Variants in TMOD2 observed in about 807,000 individuals in gnomAD.
The protein encoded by TMOD2 is tropomodulin 2.
Under a neutral mutation model 39.9 loss-of-function variants are expected in TMOD2, and 22 were observed. That is an observed-to-expected ratio of 0.55 (90% CI 0.39 to 0.79). TMOD2 has a LOEUF of 0.79. TMOD2 is among the 30% of genes least tolerant of loss of function. The probability of loss-of-function intolerance (pLI) is 0.00; values close to 1 mark genes in which losing one functional copy is unlikely to be tolerated. For synonymous variants in TMOD2, 123 were observed against 146.1 expected (o/e 0.84, Z 1.14); for missense variants, 386 against 413.3 (o/e 0.93, Z 0.57).
chr15:51,762,861 T>A (rs1382642324), intron 1 of TMOD2, among the ~76,000 whole-genome samples: 1 of 152,260 alleles, frequency 6.6e-6, no homozygotes, highest in African/African-American at 2.4e-5. Flanking sequence ...ATCCATGTTT[T>A]TGTGTACATC....
chr15:51,766,400 A>G lies in TMOD2; in HGVS notation c.-42A>G. 1 of 1,588,462 alleles carries G rather than the reference A, an allele frequency of 6.3e-7. No individual in the cohort carries two copies. Among genetic ancestry groups the G allele is most frequent in the South Asian group, 1.1e-5 (1 of 87,556 alleles). ...TTCTGAAGTCTCAGGAAACTGGACC[A>G]TTTAAATGTGCATGGCCCATGAGAA... On this transcript the variant is annotated 5_prime_UTR_variant, in exon 2 of 10. Coordinates refer to ENST00000249700, the MANE Select transcript of TMOD2 (RefSeq NM_014548.4).
Position 51,786,459 on chromosome 15 carries a change from C to T in TMOD2, c.732+3631C>T, listed in dbSNP as rs563987609. 6.6e-5 allele frequency among the ~76,000 whole-genome samples: 10 copies of T among 152,218 alleles called. No homozygotes were observed. The South Asian group carries it at 2.1e-3, about 32-fold the overall frequency. On this transcript the variant is annotated intron_variant, in intron 7 of 9. Coordinates refer to ENST00000249700, the MANE Select transcript of TMOD2 (RefSeq NM_014548.4). ...TGATATATTTTTAGAATCAGTGAAG[C>T]CCTGTGCAATTGGCATCCGTTTAGA...
intron 9 of TMOD2, among the ~76,000 whole-genome samples, chr15:51,807,814 G>A (rs577549402): frequency 6.6e-6 from 1 of 152,272 alleles, no homozygotes; most frequent in East Asian, 1.9e-4. Flanking sequence ...CTGCAGTTGG[G>A]AGAGTGAAAG....
At position 51,773,717 on chromosome 15, in the gene TMOD2, GTCTT is replaced by G; in HGVS notation, c.291_294del (p.Phe98SerfsTer7). On this transcript the variant is annotated frameshift_variant, in exon 4 of 10. Transcript: ENST00000249700. LOFTEE classifies it high-confidence loss of function. Reference sequence around the variant, plus strand: ...GTTTTTCTTCTGATTTAAAGGGAGAGTCTTTATCCCTAAAGAAAAGCCTATAGAA... The same window carrying G: ...GTTTTTCTTCTGATTTAAAGGGAGAGTATCCCTAAAGAAAAGCCTATAGAA... 6.2e-7 allele frequency: 1 copy of G among 1,606,062 alleles called. No individual in the cohort carries two copies. The highest frequency in any genetic ancestry group is 8.5e-7 in the Non-Finnish European group (1 of 1,177,726).
At chr15:51,802,795 C>T (rs973930986) in intron 8 of TMOD2, among the ~76,000 whole-genome samples, 4 of 152,252 alleles carry the variant, frequency 2.6e-5, no homozygotes, top group Admixed American at 6.5e-5. Flanking sequence ...ATGCTTAGAG[C>T]GTTAATCTCT....
chr15:51,774,171 C>T (rs1056368760), intron 4 of TMOD2, among the ~76,000 whole-genome samples: 2 of 152,218 alleles, frequency 1.3e-5, no homozygotes, highest in African/African-American at 4.8e-5. Context: ...ATTTTATCAT[C>T]ACAACATTTC....
chr15:51,759,751 C>T (rs569244073), intron 1 of TMOD2, among the ~76,000 whole-genome samples: 64 of 152,226 alleles, frequency 4.2e-4, no homozygotes, highest in African/African-American at 1.4e-3. Context: ...CAACAAGAAA[C>T]GGGATACACT....
At chr15:51,799,760 G>A (rs1303347848) in intron 8 of TMOD2, among the ~76,000 whole-genome samples, 2 of 152,176 alleles carry the variant, frequency 1.3e-5, no homozygotes, top group East Asian at 3.9e-4. Flanking sequence ...AGAGAAATAT[G>A]AAGGGAGAGA....
At chr15:51,768,520 C>T (rs1446265948) in intron 3 of TMOD2, 102 bp downstream of exon 3, 5 of 1,184,950 alleles carry the variant, frequency 4.2e-6, no homozygotes, top group Non-Finnish European at 5.9e-6. Flanking sequence ...ATTTTATTGT[C>T]GTGGAGGATC....
chr15:51,758,824 G>A (rs1242598552), intron 1 of TMOD2, among the ~76,000 whole-genome samples: 1 of 152,172 alleles, frequency 6.6e-6, no homozygotes, highest in Non-Finnish European at 1.5e-5. Context: ...TCAGCCAGAG[G>A]GGAGTGGGGT....
Position 51,781,041 on chromosome 15 carries a change from T to C in TMOD2, c.494-3T>C, listed in dbSNP as rs776974653. On this transcript the variant is annotated splice_region_variant and splice_polypyrimidine_tract_variant and intron_variant, in intron 5 of 9. Coordinates refer to ENST00000249700, the MANE Select transcript of TMOD2 (RefSeq NM_014548.4). ...TTTTTTAAAATGAAAACTTGTGTTTTAGATGTTGTCAAAGGTGAAAAAGTA... is the reference window on the plus strand; with the variant it reads ...TTTTTTAAAATGAAAACTTGTGTTTCAGATGTTGTCAAAGGTGAAAAAGTA... 3.8e-6 allele frequency: 6 copies of C among 1,588,322 alleles called. No homozygotes were observed. The highest frequency in any genetic ancestry group is 5.1e-6 in the Non-Finnish European group (6 of 1,171,708).
At chr15:51,795,569 G>GCTTTCTTTCTTT (rs1491429760) in intron 7 of TMOD2, among the ~76,000 whole-genome samples, 2 of 42,412 alleles carry the variant, frequency 4.7e-5, no homozygotes, top group African/African-American at 9.7e-5. Flanking sequence ...TCTTCTGCTT[G>GCTTTCTTTCTTT]CTTGCTTGCT....
chr15:51,766,609 T>C lies in TMOD2; in HGVS notation c.126+42T>C, dbSNP rs562271760. ...TGAAGCAGAGTGGTTAATGATAGTA[T>C]GGATAAATGGCATGGCTTGGTCCTT... On this transcript the variant is annotated intron_variant, in intron 2 of 9. Transcript: ENST00000249700. 13 of 1,595,954 alleles carry C rather than the reference T, an allele frequency of 8.1e-6. No individual in the cohort carries two copies. In the Admixed American group the frequency reaches 1.4e-4, roughly 17 times the overall value.
At chr15:51,764,765 G>C (rs937970176) in intron 1 of TMOD2, among the ~76,000 whole-genome samples, 2 of 152,024 alleles carry the variant, frequency 1.3e-5, no homozygotes, top group African/African-American at 4.8e-5. Flanking sequence ...CCTTTGTGCT[G>C]TTCCCTTTTC....
In TMOD2 at chr15:51,809,308, C is replaced by G. The variant is rs982686666; in HGVS notation, c.*854C>G. 6.6e-6 allele frequency: 1 copy of G among 152,574 alleles called. No individual in the cohort carries two copies. Among genetic ancestry groups the G allele is most frequent in the Admixed American group, 6.5e-5 (1 of 15,272 alleles). 9.5% of individuals were successfully genotyped at this position (152,574 alleles called of 1,614,324 possible). A position where few individuals can be genotyped will look rare whatever the true frequency, so the allele number is the denominator to read the frequency against. On this transcript the variant is annotated 3_prime_UTR_variant, in exon 10 of 10. Coordinates refer to ENST00000249700, the MANE Select transcript of TMOD2 (RefSeq NM_014548.4). ...CCTGAATAAAACAACAATATTGTAT[C>G]TTAATCAAGGCTGTCTGATGCAGAT...
Position 51,781,587 on chromosome 15 carries a change from G to A in TMOD2, c.624+413G>A, listed in dbSNP as rs73407384. Among the ~76,000 whole-genome samples the A allele has an allele frequency of 9.2e-3, 1,404 of 152,326 alleles. 15 individuals carry two copies. Among genetic ancestry groups the A allele is most frequent in the African/African-American group, 0.018 (766 of 41,574 alleles). ...GCAGTACCAGGCTTGCCTGGGGCAG[G>A]AGGATCCAGTTCCAAGATGGCAGAT... is the stretch of plus-strand genomic sequence containing the variant. On this transcript the variant is annotated intron_variant, in intron 6 of 9. Transcript: ENST00000249700.
intron 4 of TMOD2, among the ~76,000 whole-genome samples, chr15:51,774,397 G>T (rs763659077): frequency 6.6e-6 from 1 of 152,170 alleles, no homozygotes; most frequent in Non-Finnish European, 1.5e-5. Context: ...GTCTTGTACA[G>T]CCTTCAAGAA....
chr15:51,782,430 T>A (rs1432168792), intron 6 of TMOD2, among the ~76,000 whole-genome samples: 1 of 151,666 alleles, frequency 6.6e-6, no homozygotes, highest in African/African-American at 2.4e-5. Flanking sequence ...GAATACAGAG[T>A]GAAAAATAAA....
At chr15:51,765,354 T>C (rs1595863615) in intron 1 of TMOD2, among the ~76,000 whole-genome samples, 1 of 152,210 alleles carries the variant, frequency 6.6e-6, no homozygotes, top group African/African-American at 2.4e-5. Flanking sequence ...CTTATGACAT[T>C]ATTGCTATTT....
Sources: gnomAD v4.1 joint callset for allele counts (sites outside exome capture counted in the v4.1 genomes callset) on GRCh38, gnomAD v4.1.1 for gene constraint, MANE v1.5 for transcripts, NCBI Gene and HGNC (gene_info 2026-07-23, HGNC 2026-07-21) for gene names.